RNF11: variants seen among roughly 807,000 people sequenced by gnomAD.
RNF11 encodes the protein ring finger protein 11.
Under a neutral mutation model 15.8 loss-of-function variants are expected in RNF11, and 4 were observed. The observed-to-expected ratio is 0.25, with a 90% confidence interval of 0.12 to 0.58. RNF11 has a LOEUF of 0.58. RNF11 is among the 20% of genes least tolerant of loss of function. The pLI is 0.91. For missense variants in RNF11, 139 were observed against 194.4 expected, an observed-to-expected ratio of 0.71 and a Z score of 1.70; for synonymous variants, 68 against 72.3, an observed-to-expected ratio of 0.94 and a Z score of 0.30.
intron 1 of RNF11, among the ~76,000 whole-genome samples, chr1:51,267,581 C>A (rs955270256): frequency 6.6e-6 from 1 of 152,224 alleles, no homozygotes; most frequent in Non-Finnish European, 1.5e-5. Context: ...GCCAGAGAAG[C>A]TCATTTGGAG....
intron 1 of RNF11, among the ~76,000 whole-genome samples, chr1:51,248,486 G>T (rs943451975): frequency 1.7e-4 from 26 of 152,190 alleles, no homozygotes; most frequent in Admixed American, 1.6e-3. Flanking sequence ...ACTGGCGTCA[G>T]CCACGGCGCC....
chr1:51,255,355 G>A (rs1343766834), intron 1 of RNF11, among the ~76,000 whole-genome samples: 1 of 152,150 alleles, frequency 6.6e-6, no homozygotes, highest in Non-Finnish European at 1.5e-5. Context: ...CAAACTCTGG[G>A]CTCAAGCGAT....
At position 51,250,996 on chromosome 1, in the gene RNF11, T is replaced by C. The variant is rs1005865832; in HGVS notation, c.123+14117T>C. On this transcript the variant is annotated intron_variant, in intron 1 of 2. Coordinates refer to ENST00000242719, the MANE Select transcript of RNF11 (RefSeq NM_014372.5). The stretch of plus-strand genomic sequence containing the variant: ...CAGTAGCCTCTGCGCACGGGGACAA[T>C]GGAGAGCTTGGCCAGGATGATGGCC... The C allele has an allele frequency of 4.3e-6, 6 of 1,404,414 alleles. No individual in the cohort carries two copies. In the African/African-American group the frequency reaches 7.1e-5, roughly 17 times the overall value. 87.0% of individuals were successfully genotyped at this position (1,404,414 alleles called of 1,614,324 possible).
chr1:51,261,521 C>T (rs2183422), intron 1 of RNF11, among the ~76,000 whole-genome samples: 2,441 of 152,142 alleles, frequency 0.016, 63 homozygotes, highest in African/African-American at 0.057. Flanking sequence ...AATTGTCAGA[C>T]GTAATTAAGA....
chr1:51,262,799 C>G (rs564937753), intron 1 of RNF11, among the ~76,000 whole-genome samples: 2 of 149,722 alleles, frequency 1.3e-5, no homozygotes, highest in Non-Finnish European at 3.0e-5. Flanking sequence ...AACTCCTGAC[C>G]TCAGGTGATC....
At chr1:51,245,012 C>G (rs956596480) in intron 1 of RNF11, among the ~76,000 whole-genome samples, 1 of 152,164 alleles carries the variant, frequency 6.6e-6, no homozygotes, top group Non-Finnish European at 1.5e-5. Context: ...ACCTTTGTTG[C>G]AGAATTTTGA....
intron 1 of RNF11, among the ~76,000 whole-genome samples, chr1:51,264,317 T>TATATACACAC (rs376694497): frequency 4.0e-5 from 3 of 75,524 alleles, no homozygotes; most frequent in Admixed American, 1.6e-4. Context: ...TATATATATA[T>TATATACACAC]ACACACACAC....
At chr1:51,240,840 C>CT (rs1341683253) in intron 1 of RNF11, among the ~76,000 whole-genome samples, 6 of 151,760 alleles carry the variant, frequency 4.0e-5, no homozygotes, top group Non-Finnish European at 8.8e-5. Flanking sequence ...TTTGTTTTCT[C>CT]TTTTTTGAGA....
chr1:51,242,139 G>T (rs1402630320), intron 1 of RNF11, among the ~76,000 whole-genome samples: 1 of 152,128 alleles, frequency 6.6e-6, no homozygotes, highest in African/African-American at 2.4e-5. Context: ...AGCATTGAAT[G>T]CAAGTATAGC....
chr1:51,237,588 C>T (rs2148063155), intron 1 of RNF11, among the ~76,000 whole-genome samples: 1 of 151,978 alleles, frequency 6.6e-6, no homozygotes, highest in Admixed American at 6.6e-5. Flanking sequence ...TGGGAAATTC[C>T]TTCGGTTACT....
At chr1:51,258,709 T>C (rs773419158) in intron 1 of RNF11, among the ~76,000 whole-genome samples, 11 of 152,226 alleles carry the variant, frequency 7.2e-5, no homozygotes, top group Non-Finnish European at 1.2e-4. Context: ...AAAATGTTTT[T>C]AGTGTCCCCG....
Position 51,251,315 on chromosome 1 carries a change from G to A in RNF11, c.123+14436G>A, listed in dbSNP as rs555673200. 92 of 1,515,966 alleles carry A rather than the reference G, an allele frequency of 6.1e-5. No individual in the cohort carries two copies. In the East Asian group the frequency reaches 6.4e-4, roughly 11 times the overall value. 93.9% of individuals were successfully genotyped at this position (1,515,966 alleles called of 1,614,324 possible). A position where few individuals can be genotyped will look rare whatever the true frequency, so the allele number is the denominator to read the frequency against. ...TGACGGGCATCCACTCCTTATCCTC[G>A]GCCTTGCCTCCGCGAGCTCCGCGGC... On this transcript the variant is annotated intron_variant, in intron 1 of 2. Transcript: ENST00000242719.
intron 1 of RNF11, among the ~76,000 whole-genome samples, chr1:51,268,989 A>G (rs1646967548): frequency 6.6e-6 from 1 of 152,238 alleles, no homozygotes; most frequent in Non-Finnish European, 1.5e-5. Context: ...TCTCATGATT[A>G]TATCAACTCT....
At chr1:51,264,310 A>G (rs1306554255) in intron 1 of RNF11, among the ~76,000 whole-genome samples, 2 of 118,214 alleles carry the variant, frequency 1.7e-5, no homozygotes, top group Non-Finnish European at 3.3e-5. Flanking sequence ...ATATATATAT[A>G]TATATATACA....
At chr1:51,258,130 G>A (rs376577371) in intron 1 of RNF11, among the ~76,000 whole-genome samples, 21 of 151,998 alleles carry the variant, frequency 1.4e-4, no homozygotes, top group African/African-American at 3.9e-4. Context: ...CTGGGATTAC[G>A]GGTGTGAGCC....
At chr1:51,251,165 C>G in intron 1 of RNF11, 23 of 1,535,710 alleles carry the variant, frequency 1.5e-5, no homozygotes, top group Non-Finnish European at 1.9e-5. Flanking sequence ...TCTTCAAAAC[C>G]TCATCCTTGA....
chr1:51,252,033 T>C (rs1214705465), intron 1 of RNF11, among the ~76,000 whole-genome samples: 1 of 134,712 alleles, frequency 7.4e-6, no homozygotes, highest in Non-Finnish European at 1.5e-5. Flanking sequence ...GCCAAGATCA[T>C]GCCACTGCAC....
chr1:51,269,543 T>C (rs1202592686), intron 1 of RNF11, among the ~76,000 whole-genome samples: 6 of 152,262 alleles, frequency 3.9e-5, no homozygotes, highest in Admixed American at 6.5e-5. Flanking sequence ...TTAGTGACTG[T>C]AGGCAAGCTT....
At chr1:51,244,478 G>A (rs905483926) in intron 1 of RNF11, among the ~76,000 whole-genome samples, 4 of 152,012 alleles carry the variant, frequency 2.6e-5, no homozygotes, top group African/African-American at 9.7e-5. Context: ...TCCGCCTCCC[G>A]GGTTCACGCC....
Sources: allele counts gnomAD v4.1 joint callset (sites outside exome capture counted in the v4.1 genomes callset), GRCh38; gene constraint gnomAD v4.1.1; transcripts MANE v1.5; gene names NCBI Gene and HGNC (gene_info 2026-07-23, HGNC 2026-07-21).